The following GATA4 variants were observed in gnomAD, a reference collection of about 807,000 sequenced individuals.
GATA4 encodes transcription factor GATA-4.
A neutral mutation model predicts 37.9 loss-of-function variants in GATA4; 7 were observed. That is an observed-to-expected ratio of 0.18 (90% CI 0.11 to 0.35). The LOEUF is 0.35. GATA4 is among the 10% of genes least tolerant of loss of function. The pLI is 1.00. For missense variants in GATA4, 647 were observed against 653.0 expected (o/e 0.99, Z 0.10); for synonymous variants, 372 against 292.6 (o/e 1.27, Z -2.77).
chr8:11,713,952 T>C (rs770663692), intron 2 of GATA4, among the ~76,000 whole-genome samples: 2 of 152,174 alleles, frequency 1.3e-5, no homozygotes, highest in East Asian at 1.9e-4. Flanking sequence ...TATGGCAAAA[T>C]TGTGGAGCTG....
chr8:11,729,494 A>T (rs893488214), intron 2 of GATA4, among the ~76,000 whole-genome samples: 17 of 150,766 alleles, frequency 1.1e-4, no homozygotes, highest in African/African-American at 4.1e-4. Context: ...ATTTGAACCC[A>T]GGACACAGAG....
intron 1 of GATA4, chr8:11,680,578 A>T (rs1490237018): frequency 1.0e-6 from 1 of 985,126 alleles, no homozygotes; most frequent in African/African-American, 1.7e-5. Flanking sequence ...CAGGAAGCCC[A>T]GGCTATGCCC....
At chr8:11,735,985 G>A (rs1478841650) in intron 2 of GATA4, among the ~76,000 whole-genome samples, 6 of 152,064 alleles carry the variant, frequency 3.9e-5, no homozygotes, top group Non-Finnish European at 8.8e-5. Context: ...ATCATAACTC[G>A]CTTGCAGGCC....
intron 1 of GATA4, among the ~76,000 whole-genome samples, chr8:11,706,515 A>G (rs1376963669): frequency 6.6e-6 from 1 of 152,230 alleles, no homozygotes; most frequent in Admixed American, 6.5e-5. Flanking sequence ...TCTACAAAAT[A>G]AGTACCTTTA....
intron 4 of GATA4, among the ~76,000 whole-genome samples, chr8:11,753,573 C>G (rs1169290103): frequency 1.4e-5 from 2 of 148,136 alleles, no homozygotes; most frequent in Non-Finnish European, 3.0e-5. Flanking sequence ...TGGGTTTGAA[C>G]ATTTGAGGCA....
In GATA4 at chr8:11,709,732, G is replaced by C. The variant is rs1800086393; in HGVS notation, c.616+804G>C. Among the ~76,000 whole-genome samples, 2 of 152,210 alleles carry C rather than the reference G, an allele frequency of 1.3e-5. No homozygotes were observed. The highest frequency in any genetic ancestry group is 4.8e-5 in the African/African-American group (2 of 41,466). On this transcript the variant is annotated intron_variant, in intron 2 of 6. Coordinates refer to ENST00000532059, the MANE Select transcript of GATA4 (RefSeq NM_001308093.3). The surrounding 1 kb of genome is among the most constrained non-coding windows in gnomAD (Gnocchi z 4.3). ...GCCAGGGTTGGAAATAACCGTTGTGGTAGGTTCCATGCAGTGTTTCCATCG... is the reference window on the plus strand; with the variant it reads ...GCCAGGGTTGGAAATAACCGTTGTGCTAGGTTCCATGCAGTGTTTCCATCG...
At chr8:11,743,277 C>T (rs532046405) in intron 2 of GATA4, among the ~76,000 whole-genome samples, 31 of 152,348 alleles carry the variant, frequency 2.0e-4, no homozygotes, top group African/African-American at 6.3e-4. Flanking sequence ...CCAACATGTT[C>T]GTTACGTCTA....
intron 2 of GATA4, among the ~76,000 whole-genome samples, chr8:11,742,061 A>C (rs10090884): frequency 0.18 from 27,958 of 151,954 alleles, 3,993 homozygotes; most frequent in East Asian, 0.69. Context: ...ACTTTCCTCC[A>C]TTGCCATCCT....
chr8:11,723,837 G>A (rs535903301), intron 2 of GATA4, among the ~76,000 whole-genome samples: 11 of 152,212 alleles, frequency 7.2e-5, no homozygotes, highest in Admixed American at 3.3e-4. Context: ...AAAATGTACC[G>A]TTTTAGCCAT....
At chr8:11,742,771 G>T (rs954168638) in intron 2 of GATA4, among the ~76,000 whole-genome samples, 4 of 152,256 alleles carry the variant, frequency 2.6e-5, no homozygotes, top group African/African-American at 9.6e-5. Flanking sequence ...TGGGCCTCGT[G>T]CCCCACACCC....
upstream of GATA4, among the ~76,000 whole-genome samples, chr8:11,688,290 G>A (rs1175592332): frequency 1.3e-5 from 2 of 152,174 alleles, no homozygotes; most frequent in Non-Finnish European, 2.9e-5. Context: ...TAATACTTGG[G>A]AACATTTTTT....
intron 2 of GATA4, among the ~76,000 whole-genome samples, chr8:11,718,380 C>T (rs1429139896): frequency 6.6e-6 from 1 of 152,176 alleles, no homozygotes; most frequent in Admixed American, 6.5e-5. Flanking sequence ...CAAGAATTGA[C>T]CTGATGTTTT....
chr8:11,722,309 C>G (rs1800714131), intron 2 of GATA4, among the ~76,000 whole-genome samples: 2 of 152,218 alleles, frequency 1.3e-5, no homozygotes, highest in South Asian at 4.1e-4. Context: ...TTCCAAACAG[C>G]ATGTCATTTT....
chr8:11,747,107 C>G (rs1393130320), intron 2 of GATA4, among the ~76,000 whole-genome samples: 1 of 152,214 alleles, frequency 6.6e-6, no homozygotes, highest in East Asian at 1.9e-4. Flanking sequence ...CCTCCCAACT[C>G]AATAAAAGCA....
At chr8:11,718,039 C>T (rs1201724389) in intron 2 of GATA4, among the ~76,000 whole-genome samples, 4 of 152,178 alleles carry the variant, frequency 2.6e-5, no homozygotes, top group African/African-American at 9.7e-5. Flanking sequence ...CCTCTGTGTT[C>T]CCTTTTCTCT....
chr8:11,751,011 A>G (rs1207647260), intron 4 of GATA4, among the ~76,000 whole-genome samples: 1 of 152,156 alleles, frequency 6.6e-6, no homozygotes, highest in East Asian at 1.9e-4. Context: ...AAACACTGGA[A>G]GAAAATGTAA....
intron 2 of GATA4, 78 bp from the exon 3 acceptor site, chr8:11,748,838 G>C (rs1489749155): frequency 2.0e-6 from 3 of 1,526,766 alleles, no homozygotes; most frequent in Non-Finnish European, 9.1e-7. Flanking sequence ...GTGCGCTCTA[G>C]ATTCTCAGAT....
intron 2 of GATA4, among the ~76,000 whole-genome samples, chr8:11,734,929 C>T (rs1193979032): frequency 2.0e-5 from 3 of 152,270 alleles, no homozygotes; most frequent in East Asian, 1.9e-4. Flanking sequence ...TATTCACAGA[C>T]GTTTAGTCCA....
At chr8:11,736,784 G>C (rs1801480577) in intron 2 of GATA4, among the ~76,000 whole-genome samples, 1 of 152,206 alleles carries the variant, frequency 6.6e-6, no homozygotes, top group Admixed American at 6.5e-5. Context: ...TATAGCGTTA[G>C]CATTTGATCT....
Sources: allele counts gnomAD v4.1 joint callset (sites outside exome capture counted in the v4.1 genomes callset), GRCh38; gene constraint gnomAD v4.1.1; non-coding constraint Gnocchi (gnomAD v3.1); transcripts MANE v1.5; gene names NCBI Gene and HGNC (gene_info 2026-07-23, HGNC 2026-07-21).